ZFAND3: variants seen among roughly 807,000 people sequenced by gnomAD.
ZFAND3 encodes AN1-type zinc finger protein 3.
ZFAND3 carries 10 observed loss-of-function variants against 29.6 expected under a neutral mutation model. The ratio of observed to expected loss-of-function variants is 0.34; its 90% CI spans 0.21 to 0.57. ZFAND3 has a LOEUF of 0.57. Among genes scored for constraint, ZFAND3 ranks in the 20% least tolerant of loss-of-function variants. The probability of loss-of-function intolerance (pLI) is 0.86; values close to 1 mark genes in which losing one functional copy is unlikely to be tolerated. For missense variants in ZFAND3, 230 were observed against 304.5 expected (o/e 0.76, Z 1.82); for synonymous variants, 128 against 112.6 (o/e 1.14, Z -0.87).
intron 1 of ZFAND3, among the ~76,000 whole-genome samples, chr6:37,870,931 A>G (rs754433507): frequency 6.6e-6 from 1 of 152,138 alleles, no homozygotes; most frequent in Non-Finnish European, 1.5e-5. Flanking sequence ...GTTGTTGACC[A>G]TTTGACTATG....
intron 4 of ZFAND3, among the ~76,000 whole-genome samples, chr6:38,105,653 A>G (rs1765192842): frequency 6.6e-6 from 1 of 152,306 alleles, no homozygotes; most frequent in Non-Finnish European, 1.5e-5. Flanking sequence ...CCATATCAGT[A>G]TCTTGGTTGT....
At chr6:38,138,450 A>G (rs193071585) in intron 5 of ZFAND3, among the ~76,000 whole-genome samples, 1 of 152,246 alleles carries the variant, frequency 6.6e-6, no homozygotes, top group African/African-American at 2.4e-5. Context: ...GTTCCCTCCA[A>G]CTGCTGGGAG....
At chr6:38,038,047 G>A (rs963544182) in intron 2 of ZFAND3, among the ~76,000 whole-genome samples, 1 of 152,194 alleles carries the variant, frequency 6.6e-6, no homozygotes, top group African/African-American at 2.4e-5. Context: ...AAAGCATTAA[G>A]GAGCCACACT....
At chr6:37,934,282 A>C (rs1355055370) in intron 2 of ZFAND3, among the ~76,000 whole-genome samples, 1 of 151,956 alleles carries the variant, frequency 6.6e-6, no homozygotes, top group African/African-American at 2.4e-5. Context: ...TCCCGGGTTC[A>C]AGCGATTCCA....
At chr6:38,069,533 G>T (rs73419945) in intron 3 of ZFAND3, among the ~76,000 whole-genome samples, 10,402 of 152,138 alleles carry the variant, frequency 0.068, 430 homozygotes, top group Non-Finnish European at 0.087. Flanking sequence ...TTTTTCCCCA[G>T]TGCATTTATT....
At chr6:38,025,951 A>T (rs1763439052) in intron 2 of ZFAND3, among the ~76,000 whole-genome samples, 1 of 152,194 alleles carries the variant, frequency 6.6e-6, no homozygotes, top group Admixed American at 6.5e-5. Flanking sequence ...AAACAATCTA[A>T]AATTGGTTGT....
In ZFAND3 at chr6:38,028,320, C is replaced by G. The variant is rs368233797; in HGVS notation, c.113-33273C>G. Among the ~76,000 whole-genome samples the G allele has an allele frequency of 1.6e-4, 24 of 152,168 alleles. No homozygotes were observed. The East Asian group carries it at 3.9e-3, about 24-fold the overall frequency. On this transcript the variant is annotated intron_variant, in intron 2 of 5. Transcript: ENST00000287218. ...TAATTTTGAGTAGGGTTTATAGGACCTATATGTTAGTGTAGTAGATATATT... is the reference window on the plus strand; with the variant it reads ...TAATTTTGAGTAGGGTTTATAGGACGTATATGTTAGTGTAGTAGATATATT...
intron 2 of ZFAND3, among the ~76,000 whole-genome samples, chr6:37,966,687 T>C (rs1762299166): frequency 6.6e-6 from 1 of 152,210 alleles, no homozygotes. Flanking sequence ...AATACTTTAG[T>C]GTTTATTTTC....
intron 1 of ZFAND3, among the ~76,000 whole-genome samples, chr6:37,890,302 A>G (rs1023192016): frequency 5.3e-5 from 8 of 152,134 alleles, no homozygotes; most frequent in Admixed American, 2.6e-4. Context: ...TAGGTTGACT[A>G]TTATCAAATT....
At chr6:37,870,321 G>A (rs899878619) in intron 1 of ZFAND3, among the ~76,000 whole-genome samples, 2 of 110,580 alleles carry the variant, frequency 1.8e-5, no homozygotes, top group African/African-American at 3.2e-5. Context: ...AAAAAAAAAG[G>A]GCGGGCACAG....
chr6:37,925,102 TA>T (rs778125093), intron 1 of ZFAND3, among the ~76,000 whole-genome samples: 2 of 151,990 alleles, frequency 1.3e-5, no homozygotes, highest in Non-Finnish European at 2.9e-5. Flanking sequence ...TTTCTCCAGG[TA>T]AAAAGTTTGG....
intron 1 of ZFAND3, among the ~76,000 whole-genome samples, chr6:37,897,185 C>T (rs970021183): frequency 3.9e-5 from 6 of 152,176 alleles, no homozygotes; most frequent in African/African-American, 1.4e-4. Context: ...TAGGCTCCTT[C>T]TTGCCCTCTT....
intron 4 of ZFAND3, among the ~76,000 whole-genome samples, chr6:38,103,499 ATATATATACACGTG>A (rs1765147307): frequency 7.5e-5 from 2 of 26,750 alleles, no homozygotes; most frequent in South Asian, 8.5e-4. Flanking sequence ...ATACACGTGT[ATATATATACACGTG>A]TATATATACA....
intron 1 of ZFAND3, among the ~76,000 whole-genome samples, chr6:37,928,214 C>T (rs1761525784): frequency 6.6e-6 from 1 of 152,152 alleles, no homozygotes; most frequent in Non-Finnish European, 1.5e-5. Context: ...TCTTTGGTTC[C>T]AGCACATGGG....
chr6:37,862,308 C>T (rs1029925192), intron 1 of ZFAND3, among the ~76,000 whole-genome samples: 11 of 152,080 alleles, frequency 7.2e-5, no homozygotes, highest in African/African-American at 2.7e-4. Flanking sequence ...CTCATTCACC[C>T]ATCATACAGT....
At chr6:38,092,105 C>A (rs1764885147) in intron 4 of ZFAND3, among the ~76,000 whole-genome samples, 1 of 152,172 alleles carries the variant, frequency 6.6e-6, no homozygotes, top group Admixed American at 6.5e-5. Flanking sequence ...AAGGCACCCC[C>A]CTCGAGAAGG....
Position 38,152,567 on chromosome 6 carries a change from A to T in ZFAND3, c.*178A>T, listed in dbSNP as rs1230657409. The stretch of plus-strand genomic sequence containing the variant: ...TAGGGGTTGATGGTGGTTGAAATTG[A>T]TTTCTGGCTGGTTACTAAGGTGCCT... On this transcript the variant is annotated 3_prime_UTR_variant, in exon 6 of 6. Transcript: ENST00000287218. 7.9e-7 allele frequency: 1 copy of T among 1,272,678 alleles called. No individual in the cohort carries two copies. The highest frequency in any genetic ancestry group is 9.9e-7 in the Non-Finnish European group (1 of 1,009,964). 78.8% of individuals were successfully genotyped at this position (1,272,678 alleles called of 1,614,324 possible).
intron 1 of ZFAND3, among the ~76,000 whole-genome samples, chr6:37,877,426 G>A (rs1421285522): frequency 1.3e-5 from 2 of 152,154 alleles, no homozygotes; most frequent in South Asian, 2.1e-4. Flanking sequence ...AAAAGCAGGA[G>A]TCCAGACGAG....
chr6:38,021,851 G>A (rs1763359803), intron 2 of ZFAND3, among the ~76,000 whole-genome samples: 1 of 152,196 alleles, frequency 6.6e-6, no homozygotes, highest in African/African-American at 2.4e-5. Context: ...GAGGCAGGGA[G>A]AGTGGCACCA....
Sources: allele counts gnomAD v4.1 joint callset (sites outside exome capture counted in the v4.1 genomes callset), GRCh38; gene constraint gnomAD v4.1.1; transcripts MANE v1.5; gene names NCBI Gene and HGNC (gene_info 2026-07-23, HGNC 2026-07-21).